Variants in GRM5 observed in about 807,000 individuals in gnomAD.
GRM5 encodes the protein metabotropic glutamate receptor 5.
In GRM5, 19 loss-of-function variants were observed where a neutral mutation model predicts 83.1. The observed-to-expected ratio is 0.23, with a 90% CI of 0.16 to 0.34. The LOEUF (loss-of-function observed/expected upper bound fraction) is 0.34. Among genes scored for constraint, GRM5 ranks in the 10% least tolerant of loss-of-function variants. The probability of loss-of-function intolerance (pLI) is 1.00; values close to 1 mark genes in which losing one functional copy is unlikely to be tolerated. For missense variants in GRM5, 1,160 were observed against 1,588.3 expected, an observed-to-expected ratio of 0.73 and a Z score of 4.58; for synonymous variants, 675 against 633.6, an observed-to-expected ratio of 1.07 and a Z score of -0.98.
intron 2 of GRM5, among the ~76,000 whole-genome samples, chr11:88,895,904 G>A (rs584412): frequency 0.34 from 50,848 of 151,752 alleles, 8,847 homozygotes; most frequent in Non-Finnish European, 0.39. Context: ...GTTTAAAAAC[G>A]TATGTTTACT....
chr11:88,987,298 C>T (rs1023692040), intron 2 of GRM5, among the ~76,000 whole-genome samples: 8 of 152,248 alleles, frequency 5.3e-5, no homozygotes, highest in Admixed American at 6.5e-5. Flanking sequence ...TGCGCTTTTC[C>T]GACGGGCTTA....
chr11:89,045,419 G>A (rs1591074426), intron 2 of GRM5, among the ~76,000 whole-genome samples: 1 of 152,020 alleles, frequency 6.6e-6, no homozygotes, highest in Non-Finnish European at 1.5e-5. Context: ...CAAATTGTTT[G>A]CATAAAAACC....
chr11:88,964,279 T>G (rs1214446288), intron 2 of GRM5, among the ~76,000 whole-genome samples: 1 of 152,136 alleles, frequency 6.6e-6, no homozygotes, highest in African/African-American at 2.4e-5. Context: ...GGATGTTACC[T>G]TCCCATCCAA....
intron 1 of GRM5, among the ~76,000 whole-genome samples, chr11:89,052,746 C>T (rs548010605): frequency 7.2e-5 from 11 of 152,192 alleles, no homozygotes; most frequent in African/African-American, 2.2e-4. Context: ...CGTTCCAAAT[C>T]CTAAAATGTG....
chr11:88,525,384 G>A lies in GRM5; in HGVS notation c.2651C>T (p.Ala884Val). 1.2e-6 allele frequency: 2 copies of A among 1,609,034 alleles called. No homozygotes were observed. Among genetic ancestry groups the A allele is most frequent in the South Asian group, 2.2e-5 (2 of 90,932 alleles). Residue 884 changes from alanine to valine, a missense_variant, in exon 9 of 10, where the codon GCC (alanine) becomes GTC (valine). Ala to Val is a moderately conservative substitution (Grantham distance 64). Coordinates refer to ENST00000305447, the MANE Select transcript of GRM5 (RefSeq NM_001143831.3). ...ETLRYKDRRL[A>V]QHKSEIECFT... The stretch of plus-strand genomic sequence containing the variant: ...ACACTCTATTTCCGACTTGTGCTGG[G>A]CCAGTCTCCTGTCTTTGTACCTGGT...
intron 3 of GRM5, among the ~76,000 whole-genome samples, chr11:88,816,619 A>T (rs1943691024): frequency 6.6e-6 from 1 of 151,456 alleles, no homozygotes; most frequent in African/African-American, 2.4e-5. Context: ...GAAAATAGCA[A>T]ATAAAAATCA....
At chr11:88,624,718 A>G (rs996358790) in intron 4 of GRM5, among the ~76,000 whole-genome samples, 2 of 152,206 alleles carry the variant, frequency 1.3e-5, no homozygotes, top group East Asian at 3.8e-4. Flanking sequence ...GCATCAAGGG[A>G]ACCCTTATTG....
intron 8 of GRM5, among the ~76,000 whole-genome samples, chr11:88,550,608 T>C (rs1228875570): frequency 6.6e-6 from 1 of 152,142 alleles, no homozygotes; most frequent in Non-Finnish European, 1.5e-5. Context: ...TACAGATGAG[T>C]ACTTCAGACA....
intron 2 of GRM5, among the ~76,000 whole-genome samples, chr11:88,904,138 G>A (rs1166031736): frequency 6.6e-6 from 1 of 152,138 alleles, no homozygotes; most frequent in East Asian, 1.9e-4. Context: ...AGGGCAGAGA[G>A]TTGACAAATG....
intron 3 of GRM5, among the ~76,000 whole-genome samples, chr11:88,805,341 G>A (rs575585004): frequency 1.4e-4 from 22 of 152,054 alleles, no homozygotes; most frequent in African/African-American, 4.6e-4. Flanking sequence ...ACAGGCATGC[G>A]CCACCACGCC....
chr11:88,701,228 C>A (rs6483381), intron 3 of GRM5, among the ~76,000 whole-genome samples: 151,272 of 152,258 alleles, frequency 0.99, 75,156 homozygotes, highest in East Asian at 1. Flanking sequence ...GGCTGCAGAT[C>A]CACAGTTTTT....
chr11:88,897,546 T>C (rs1945248383), intron 2 of GRM5, among the ~76,000 whole-genome samples: 1 of 151,884 alleles, frequency 6.6e-6, no homozygotes, highest in Non-Finnish European at 1.5e-5. Flanking sequence ...TGGTAGTCGT[T>C]CTCTGCAGGA....
At chr11:88,741,468 C>T (rs1253398174) in intron 3 of GRM5, among the ~76,000 whole-genome samples, 3 of 152,076 alleles carry the variant, frequency 2.0e-5, no homozygotes, top group African/African-American at 7.2e-5. Context: ...AAAGTCTTTA[C>T]AGTTCCAACT....
intron 3 of GRM5, among the ~76,000 whole-genome samples, chr11:88,748,101 C>G (rs149310235): frequency 3.4e-3 from 523 of 152,262 alleles, no homozygotes; most frequent in Middle Eastern, 0.01. Context: ...CAACCCTGCC[C>G]AGGAAACCAC....
At chr11:88,665,628 T>C (rs1211510091) in intron 3 of GRM5, among the ~76,000 whole-genome samples, 1 of 152,152 alleles carries the variant, frequency 6.6e-6, no homozygotes, top group African/African-American at 2.4e-5. Flanking sequence ...ATTCAAAACC[T>C]AAGTTCCTGA....
At chr11:88,988,945 G>A (rs370045264) in intron 2 of GRM5, among the ~76,000 whole-genome samples, 12,631 of 147,578 alleles carry the variant, frequency 0.086, 1,514 homozygotes, top group African/African-American at 0.3. Flanking sequence ...GGAAGAAACT[G>A]CATCAACTAA....
chr11:89,018,213 A>G (rs1940904669), intron 2 of GRM5, among the ~76,000 whole-genome samples: 1 of 152,166 alleles, frequency 6.6e-6, no homozygotes, highest in Admixed American at 6.5e-5. Flanking sequence ...TGCAGGGCAC[A>G]TGTAGTGTCT....
chr11:89,009,326 T>C (rs1033808214), intron 2 of GRM5, among the ~76,000 whole-genome samples: 38 of 152,178 alleles, frequency 2.5e-4, no homozygotes, highest in Non-Finnish European at 7.4e-5. Context: ...ATGAGCTAAT[T>C]TCAATTTTGA....
chr11:88,956,375 C>T (rs1188149433), intron 2 of GRM5, among the ~76,000 whole-genome samples: 2 of 152,170 alleles, frequency 1.3e-5, no homozygotes, highest in African/African-American at 4.8e-5. Flanking sequence ...ATTTTATTCA[C>T]TTATTCAAGA....
Sources: gnomAD v4.1 joint callset for allele counts (sites outside exome capture counted in the v4.1 genomes callset) on GRCh38, gnomAD v4.1.1 for gene constraint, MANE v1.5 for transcripts, NCBI Gene and HGNC (gene_info 2026-07-23, HGNC 2026-07-21) for gene names.